NCKAP5: variants seen among roughly 807,000 people sequenced by gnomAD.
The protein encoded by NCKAP5 is nck-associated protein 5.
A neutral mutation model predicts 167.0 loss-of-function variants in NCKAP5; 92 were observed. The observed-to-expected ratio is 0.55, with a 90% CI of 0.47 to 0.66. The LOEUF (loss-of-function observed/expected upper bound fraction) is 0.66, where lower values mean the gene tolerates loss of function less well. Ranked by LOEUF, NCKAP5 falls within the 30% of genes least tolerant of loss-of-function variation. The pLI, the probability that NCKAP5 is intolerant of heterozygous loss-of-function variation, is 0.00. For missense variants in NCKAP5, 2,378 were observed against 2,315.0 expected, an observed-to-expected ratio of 1.03 and a Z score of -0.56; for synonymous variants, 891 against 877.4, an observed-to-expected ratio of 1.02 and a Z score of -0.27.
At chr2:133,002,491 A>G (rs1450709627) in intron 6 of NCKAP5, among the ~76,000 whole-genome samples, 1 of 152,228 alleles carries the variant, frequency 6.6e-6, no homozygotes, top group African/African-American at 2.4e-5. Context: ...AACTTCAGGT[A>G]ACTAAAACTG....
At chr2:132,746,255 A>C (rs1679635583) in intron 16 of NCKAP5, among the ~76,000 whole-genome samples, 1 of 152,108 alleles carries the variant, frequency 6.6e-6, no homozygotes, top group African/African-American at 2.4e-5. Context: ...ACTCACACAT[A>C]TATTTTCAAT....
intron 1 of NCKAP5, 124 bp downstream of exon 1, chr2:133,568,092 T>G (rs1688695894): frequency 6.6e-6 from 1 of 152,134 alleles, no homozygotes; most frequent in Non-Finnish European, 1.5e-5. Context: ...GCATACTTGC[T>G]GTGACAGCCG....
At chr2:133,218,028 T>C (rs961331230) in intron 4 of NCKAP5, among the ~76,000 whole-genome samples, 1 of 152,132 alleles carries the variant, frequency 6.6e-6, no homozygotes, top group Admixed American at 6.5e-5. Flanking sequence ...TCCCAAATAT[T>C]TGAATACTGA....
At chr2:133,069,370 T>C (rs191533737) in intron 6 of NCKAP5, among the ~76,000 whole-genome samples, 26 of 152,314 alleles carry the variant, frequency 1.7e-4, no homozygotes, top group African/African-American at 6.3e-4. Flanking sequence ...GGACACTAAA[T>C]CTTCTTTGTC....
intron 5 of NCKAP5, among the ~76,000 whole-genome samples, chr2:133,196,154 C>A (rs113616312): frequency 0.014 from 2,151 of 152,210 alleles, 29 homozygotes; most frequent in Middle Eastern, 0.051. Context: ...GTTCCTCTAC[C>A]CACCTGCCAA....
chr2:133,055,458 A>G (rs767544317), intron 6 of NCKAP5, among the ~76,000 whole-genome samples: 3 of 110,940 alleles, frequency 2.7e-5, no homozygotes, highest in Non-Finnish European at 3.6e-5. Context: ...GCGAGATATC[A>G]GTTTAGATAA....
intron 19 of NCKAP5, 112 bp from the exon 20 acceptor site, chr2:132,673,417 A>G (rs1308471924): frequency 2.4e-6 from 2 of 840,970 alleles, no homozygotes; most frequent in Non-Finnish European, 3.3e-6. Flanking sequence ...GACAGAGAAA[A>G]CCTACAAGTC....
intron 19 of NCKAP5, among the ~76,000 whole-genome samples, chr2:132,715,976 A>G (rs1315760101): frequency 2.6e-5 from 4 of 152,120 alleles, no homozygotes; most frequent in Admixed American, 2.0e-4. Context: ...GACATTTTGT[A>G]CCCATTATCT....
At chr2:132,956,661 T>C (rs1473993203) in intron 8 of NCKAP5, among the ~76,000 whole-genome samples, 4 of 152,202 alleles carry the variant, frequency 2.6e-5, no homozygotes, top group African/African-American at 9.6e-5. Flanking sequence ...TCTCTCCATG[T>C]CTGACCCACT....
chr2:133,512,449 C>T (rs1659710907), intron 3 of NCKAP5, among the ~76,000 whole-genome samples: 1 of 152,256 alleles, frequency 6.6e-6, no homozygotes, highest in East Asian at 1.9e-4. Context: ...CAGCCTAGTG[C>T]CTGTCTTTGT....
the NCKAP5 span, among the ~76,000 whole-genome samples, chr2:133,620,317 G>A: frequency 2.0e-5 from 3 of 151,940 alleles, no homozygotes; most frequent in Admixed American, 6.6e-5. Context: ...ATTCACCAAC[G>A]AAGTTTCTGA....
intron 3 of NCKAP5, among the ~76,000 whole-genome samples, chr2:133,437,214 G>A (rs754884947): frequency 5.3e-5 from 8 of 151,928 alleles, no homozygotes; most frequent in South Asian, 2.1e-4. Context: ...TTAGCCAGGC[G>A]TGGTGGCAGG....
intron 6 of NCKAP5, 50 bp downstream of exon 6, chr2:133,129,928 G>A (rs1211149361): frequency 1.3e-6 from 2 of 1,527,370 alleles, no homozygotes; most frequent in East Asian, 2.4e-5. Flanking sequence ...TGTTACTGGT[G>A]CAGAGAGAGA....
intron 16 of NCKAP5, among the ~76,000 whole-genome samples, chr2:132,763,496 G>A (rs1681186100): frequency 6.6e-6 from 1 of 152,196 alleles, no homozygotes; most frequent in South Asian, 2.1e-4. Context: ...GGATCTTCAA[G>A]AACTACAAAT....
chr2:133,087,560 T>C (rs1339636703), intron 6 of NCKAP5, among the ~76,000 whole-genome samples: 3 of 152,242 alleles, frequency 2.0e-5, no homozygotes, highest in African/African-American at 7.2e-5. Flanking sequence ...TAGGCTCTGC[T>C]AGACAAACAT....
At chr2:133,631,621 G>T in the NCKAP5 span, among the ~76,000 whole-genome samples, 20 of 152,170 alleles carry the variant, frequency 1.3e-4, no homozygotes, top group African/African-American at 4.8e-4. Flanking sequence ...GACATTGGAG[G>T]AGATCTGTAG....
chr2:133,523,782 C>T (rs1477715003), intron 2 of NCKAP5, among the ~76,000 whole-genome samples: 1 of 152,156 alleles, frequency 6.6e-6, no homozygotes, highest in African/African-American at 2.4e-5. Context: ...CCAGCTCCCA[C>T]ACGGTAGGCA....
intron 6 of NCKAP5, among the ~76,000 whole-genome samples, chr2:133,030,687 C>T (rs6430386): frequency 0.05 from 7,558 of 152,236 alleles, 219 homozygotes; most frequent in Middle Eastern, 0.078. Context: ...AGCGGATACA[C>T]AGGCACAAAG....
Position 132,789,348 on chromosome 2 carries a change from G to C in NCKAP5, c.1092+675C>G, listed in dbSNP as rs527697797. 1.4e-3 allele frequency among the ~76,000 whole-genome samples: 215 copies of C among 152,282 alleles called. 1 individual carries two copies. The highest frequency in any genetic ancestry group is 4.9e-3 in the African/African-American group (204 of 41,564). On this transcript the variant is annotated intron_variant, in intron 13 of 19. Coordinates refer to ENST00000409261, the MANE Select transcript of NCKAP5 (RefSeq NM_207363.3). ...AGGGAGCAATTTTGATAATGCAGCA[G>C]GCTCTGTACTTTGCATTGGAAGTCT...
Sources: allele counts gnomAD v4.1 joint callset (sites outside exome capture counted in the v4.1 genomes callset), GRCh38; gene constraint gnomAD v4.1.1; transcripts MANE v1.5; gene names NCBI Gene and HGNC (gene_info 2026-07-23, HGNC 2026-07-21).